The following GPC5 variants were observed in gnomAD, a reference collection of about 807,000 sequenced individuals.
The protein encoded by GPC5 is glypican 5.
In GPC5, 47 loss-of-function variants were observed where a neutral mutation model predicts 53.9. The observed-to-expected ratio is 0.87, with a 90% CI of 0.69 to 1.11. GPC5 has a LOEUF of 1.11. Ranked by LOEUF, GPC5 falls within the 50% of genes most tolerant of loss-of-function variation. The probability of loss-of-function intolerance (pLI) is 0.00; values close to 1 mark genes in which losing one functional copy is unlikely to be tolerated. For missense variants in GPC5, 748 were observed against 713.1 expected (o/e 1.05, Z -0.56); for synonymous variants, 286 against 263.3 (o/e 1.09, Z -0.84).
In GPC5 at chr13:91,487,929, GTTT is replaced by G. The variant is rs10684260; in HGVS notation, c.325+39019_325+39021del. Among the ~76,000 whole-genome samples, 6 of 147,030 alleles carry G rather than the reference GTTT, an allele frequency of 4.1e-5. No individual in the cohort carries two copies. The Admixed American group carries it at 4.1e-4, about 10-fold the overall frequency. On this transcript the variant is annotated intron_variant, in intron 2 of 7. Coordinates refer to ENST00000377067, the MANE Select transcript of GPC5 (RefSeq NM_004466.6). ...ATTTGAACACTGGACATTTAAACAG[GTTT>G]TTTTTTTTTTTACGGGGATACTTAC...
intron 7 of GPC5, among the ~76,000 whole-genome samples, chr13:92,578,463 A>G (rs1324548051): frequency 6.6e-6 from 1 of 152,084 alleles, no homozygotes; most frequent in Non-Finnish European, 1.5e-5. Context: ...AAATTGGCTC[A>G]CCTAATTATG....
chr13:91,847,043 C>A (rs2038857535), intron 5 of GPC5, among the ~76,000 whole-genome samples: 1 of 151,648 alleles, frequency 6.6e-6, no homozygotes, highest in African/African-American at 2.4e-5. Flanking sequence ...CACAGTGAAA[C>A]CCCGTCTCTA....
intron 6 of GPC5, among the ~76,000 whole-genome samples, chr13:91,962,694 T>C (rs1441800640): frequency 6.6e-6 from 1 of 152,092 alleles, no homozygotes; most frequent in African/African-American, 2.4e-5. Context: ...TTAATAGACA[T>C]ATCATATTGT....
intron 7 of GPC5, among the ~76,000 whole-genome samples, chr13:92,503,192 A>T (rs964429416): frequency 1.3e-5 from 2 of 151,926 alleles, no homozygotes; most frequent in Non-Finnish European, 2.9e-5. Context: ...CAAATAATGT[A>T]CATTGTACCA....
intron 1 of GPC5, among the ~76,000 whole-genome samples, chr13:91,432,676 T>C (rs78537043): frequency 1.4e-3 from 211 of 152,360 alleles, no homozygotes; most frequent in African/African-American, 4.7e-3. Flanking sequence ...ATTTTTTTCA[T>C]TTTAATGAAT....
At chr13:91,693,136 G>A (rs997559528) in intron 2 of GPC5, 51 bp from the exon 3 acceptor site, 1 of 1,312,670 alleles carries the variant, frequency 7.6e-7, no homozygotes, top group Admixed American at 1.9e-5. Context: ...GATGGACGGT[G>A]TTAGCATGAA....
At chr13:92,272,712 T>G (rs1408534663) in intron 7 of GPC5, among the ~76,000 whole-genome samples, 1 of 152,150 alleles carries the variant, frequency 6.6e-6, no homozygotes, top group Admixed American at 6.5e-5. Context: ...CCCACCTTGT[T>G]GACAACGAGA....
At chr13:92,161,946 A>C (rs1419888592) in intron 7 of GPC5, among the ~76,000 whole-genome samples, 1 of 102,512 alleles carries the variant, frequency 9.8e-6, no homozygotes, top group Admixed American at 1.0e-4. Flanking sequence ...CCTATTAAGT[A>C]ATATATAGCC....
chr13:92,374,296 T>C (rs188967779), intron 7 of GPC5, among the ~76,000 whole-genome samples: 1 of 152,296 alleles, frequency 6.6e-6, no homozygotes, highest in East Asian at 1.9e-4. Flanking sequence ...ATGAGCTCTC[T>C]TACCCTGGTA....
intron 5 of GPC5, among the ~76,000 whole-genome samples, chr13:91,809,081 G>A (rs554734140): frequency 6.6e-6 from 1 of 152,088 alleles, no homozygotes; most frequent in Admixed American, 6.6e-5. Context: ...TTTTAAGGTA[G>A]AAAAGGATTA....
rs1876706196 is a variant in GPC5, at chr13:91,399,098, C to T, written c.52C>T (p.Leu18=). 6.3e-7 allele frequency: 1 copy of T among 1,599,722 alleles called. No homozygotes were observed. The highest frequency in any genetic ancestry group is 1.7e-5 in the Admixed American group (1 of 58,032). The change falls in exon 1 of 8, where the codon CTG becomes TTG. Residue 18 remains leucine, a synonymous_variant. Coordinates refer to ENST00000377067, the MANE Select transcript of GPC5 (RefSeq NM_004466.6). The stretch of plus-strand genomic sequence containing the variant: ...CTTTCGCTGCCTCCTCCTTCTGGCC[C>T]TGGTTGGGTCCGCCCGCAGCGAGGG... ...VGFRCLLLLA[L]VGSARSEGVQ...
intron 5 of GPC5, among the ~76,000 whole-genome samples, chr13:91,903,477 G>A (rs1566333045): frequency 6.6e-6 from 1 of 152,002 alleles, no homozygotes; most frequent in Non-Finnish European, 1.5e-5. Flanking sequence ...ATCCACAGTG[G>A]GAGAGAGTTC....
At chr13:92,752,097 G>A (rs954735784) in intron 7 of GPC5, among the ~76,000 whole-genome samples, 2 of 151,046 alleles carry the variant, frequency 1.3e-5, no homozygotes, top group Non-Finnish European at 2.9e-5. Flanking sequence ...CTCTAGAGCA[G>A]AGTTTCTCAA....
chr13:92,650,956 G>A (rs1417831038), intron 7 of GPC5, among the ~76,000 whole-genome samples: 3 of 151,954 alleles, frequency 2.0e-5, no homozygotes, highest in Non-Finnish European at 2.9e-5. Flanking sequence ...CTGTGTCCAC[G>A]TGTTCTTATT....
At chr13:92,661,934 A>G (rs1266794469) in intron 7 of GPC5, among the ~76,000 whole-genome samples, 2 of 152,148 alleles carry the variant, frequency 1.3e-5, no homozygotes, top group Admixed American at 6.5e-5. Context: ...TCTTTGTTCA[A>G]TAACCTCTGT....
At chr13:92,581,134 ATTG>A (rs1301547746) in intron 7 of GPC5, among the ~76,000 whole-genome samples, 1 of 152,092 alleles carries the variant, frequency 6.6e-6, no homozygotes, top group Non-Finnish European at 1.5e-5. Context: ...ATTTGCATTA[ATTG>A]TTGTTAACAT....
intron 1 of GPC5, among the ~76,000 whole-genome samples, chr13:91,408,232 C>A (rs1177636518): frequency 6.6e-6 from 1 of 152,166 alleles, no homozygotes; most frequent in East Asian, 1.9e-4. Flanking sequence ...ACAGCCCCAG[C>A]TCCTGATAAT....
rs9556212 is a variant in GPC5, at chr13:92,781,168, T to C, written c.1562-85114T>C. ...GTTCCTTATATTACAGTTGTTGAAT[T>C]ATGTAAACATAACAAACATTAGGAA... On this transcript the variant is annotated intron_variant, in intron 7 of 7. Coordinates refer to ENST00000377067, the MANE Select transcript of GPC5 (RefSeq NM_004466.6). Among the ~76,000 whole-genome samples, 3,867 of 152,198 alleles carry C rather than the reference T, an allele frequency of 0.025. 383 individuals are homozygous for C. In the East Asian group the frequency reaches 0.33, roughly 13 times the overall value.
chr13:92,148,944 G>T (rs1448997462), intron 7 of GPC5, among the ~76,000 whole-genome samples: 1 of 151,882 alleles, frequency 6.6e-6, no homozygotes, highest in East Asian at 1.9e-4. Context: ...GAAAATTTGT[G>T]GTGGCATTGT....
Sources: allele counts gnomAD v4.1 joint callset (sites outside exome capture counted in the v4.1 genomes callset), GRCh38; gene constraint gnomAD v4.1.1; transcripts MANE v1.5; gene names NCBI Gene and HGNC (gene_info 2026-07-23, HGNC 2026-07-21).